SNX29: variants seen among roughly 807,000 people sequenced by gnomAD.
SNX29 encodes sorting nexin-29.
A neutral mutation model predicts 102.1 loss-of-function variants in SNX29; 78 were observed. The ratio of observed to expected loss-of-function variants is 0.76; its 90% CI spans 0.64 to 0.92. The LOEUF (loss-of-function observed/expected upper bound fraction) is 0.92. Among genes scored for constraint, SNX29 ranks in the 40% least tolerant of loss-of-function variants. SNX29 has a pLI of 0.00. For missense variants in SNX29, 1,280 were observed against 1,061.7 expected (o/e 1.21, Z -2.86); for synonymous variants, 580 against 414.5 (o/e 1.40, Z -4.85).
At chr16:12,419,736 G>A (rs1567544562) in intron 18 of SNX29, among the ~76,000 whole-genome samples, 2 of 152,294 alleles carry the variant, frequency 1.3e-5, no homozygotes, top group East Asian at 3.9e-4. Context: ...AACAGTCCTG[G>A]AAGTGACTGT....
intron 15 of SNX29, among the ~76,000 whole-genome samples, chr16:12,299,408 A>G (rs2080087772): frequency 6.6e-6 from 1 of 152,132 alleles, no homozygotes; most frequent in Non-Finnish European, 1.5e-5. Flanking sequence ...CAGCCCATGG[A>G]CGGTGTTTAG....
chr16:12,121,862 G>A (rs771156025), intron 11 of SNX29, among the ~76,000 whole-genome samples: 2 of 152,154 alleles, frequency 1.3e-5, no homozygotes, highest in Non-Finnish European at 2.9e-5. Context: ...GCAGTGGCGC[G>A]ATCTTGGCTC....
chr16:12,473,786 C>A (rs2087467177), intron 18 of SNX29, among the ~76,000 whole-genome samples: 2 of 152,174 alleles, frequency 1.3e-5, no homozygotes, highest in African/African-American at 4.8e-5. Context: ...GCTACACTTC[C>A]ACCAGTACCG....
chr16:12,115,682 G>A (rs898772806), intron 11 of SNX29, among the ~76,000 whole-genome samples: 1 of 152,138 alleles, frequency 6.6e-6, no homozygotes, highest in African/African-American at 2.4e-5. Context: ...CACTATGCAC[G>A]GTTTCACATT....
chr16:12,212,198 G>GA (rs1278492318), intron 14 of SNX29, among the ~76,000 whole-genome samples: 3 of 152,312 alleles, frequency 2.0e-5, no homozygotes, highest in African/African-American at 4.8e-5. Context: ...TTTGTCCTGA[G>GA]AAAAAATGCG....
At chr16:12,133,347 G>C (rs939663139) in intron 13 of SNX29, among the ~76,000 whole-genome samples, 3 of 131,478 alleles carry the variant, frequency 2.3e-5, no homozygotes, top group Non-Finnish European at 3.1e-5. Context: ...CTGGAGTGCA[G>C]TGATGCGATC....
chr16:12,136,012 G>A (rs544563380), intron 13 of SNX29, among the ~76,000 whole-genome samples: 30 of 152,344 alleles, frequency 2.0e-4, no homozygotes, highest in Middle Eastern at 6.8e-3. Flanking sequence ...GACCGGCCTC[G>A]CAGTTACTCT....
At chr16:12,508,888 GC>G (rs2089490849) in intron 19 of SNX29, among the ~76,000 whole-genome samples, 1 of 152,078 alleles carries the variant, frequency 6.6e-6, no homozygotes, top group African/African-American at 2.4e-5. Flanking sequence ...AAAGAACATG[GC>G]CCTGGAGTCC....
intron 11 of SNX29, among the ~76,000 whole-genome samples, chr16:12,092,466 T>A (rs1045353260): frequency 2.0e-5 from 3 of 152,198 alleles, no homozygotes; most frequent in Non-Finnish European, 2.9e-5. Context: ...CCTGGTAATA[T>A]GAGTTGCTCA....
At chr16:12,298,006 C>G (rs919959420) in intron 15 of SNX29, among the ~76,000 whole-genome samples, 3 of 152,162 alleles carry the variant, frequency 2.0e-5, no homozygotes, top group African/African-American at 7.2e-5. Context: ...CCTGTCTCTA[C>G]TAAAAATACA....
At chr16:12,475,366 G>A (rs1368811989) in intron 18 of SNX29, among the ~76,000 whole-genome samples, 1 of 152,160 alleles carries the variant, frequency 6.6e-6, no homozygotes. Context: ...TAACAATAAT[G>A]ACTTCTTGAT....
chr16:12,266,831 T>G (rs1366918341), intron 14 of SNX29, among the ~76,000 whole-genome samples: 1 of 152,082 alleles, frequency 6.6e-6, no homozygotes. Context: ...TGGCACAATC[T>G]CAGCTCACTC....
chr16:12,103,291 C>CT (rs753933391), intron 11 of SNX29, among the ~76,000 whole-genome samples: 6 of 152,196 alleles, frequency 3.9e-5, no homozygotes, highest in Non-Finnish European at 7.3e-5. Flanking sequence ...TTCATGTTAC[C>CT]TGACTTCAAA....
chr16:12,010,441 G>C (rs928735219), intron 3 of SNX29, among the ~76,000 whole-genome samples: 16 of 152,046 alleles, frequency 1.1e-4, no homozygotes, highest in Non-Finnish European at 2.2e-4. Context: ...GGCCAACATG[G>C]CGAAACCCCA....
At chr16:12,483,607 A>G (rs1215299609) in intron 19 of SNX29, among the ~76,000 whole-genome samples, 1 of 152,044 alleles carries the variant, frequency 6.6e-6, no homozygotes, top group Non-Finnish European at 1.5e-5. Context: ...GAGCCACCAC[A>G]TCTGGCCCAT....
chr16:12,144,478 C>T (rs959105766), intron 13 of SNX29, among the ~76,000 whole-genome samples: 1 of 152,164 alleles, frequency 6.6e-6, no homozygotes, highest in Admixed American at 6.5e-5. Context: ...ACCATGAGCG[C>T]TCCACCCCCC....
chr16:12,305,332 A>C (rs1470623270), intron 15 of SNX29, among the ~76,000 whole-genome samples: 3 of 152,246 alleles, frequency 2.0e-5, no homozygotes, highest in East Asian at 1.9e-4. Flanking sequence ...GAGTGGTATC[A>C]GGACTGGAGC....
At position 12,222,371 on chromosome 16, in the gene SNX29, C is replaced by T. The variant is rs547985882; in HGVS notation, c.1678+22688C>T. On this transcript the variant is annotated intron_variant, in intron 14 of 20. Coordinates refer to ENST00000566228, the MANE Select transcript of SNX29 (RefSeq NM_032167.5). ...GCCCATCCTCTAAGCCTCTCCTTTC[C>T]TTGTTAGCTCTTCCACAGTGGACAT... Among the ~76,000 whole-genome samples the T allele has an allele frequency of 8.0e-4, 122 of 152,298 alleles. 3 individuals are homozygous for T. The highest frequency in any genetic ancestry group is 1.1e-3 in the Non-Finnish European group (75 of 68,026).
Position 12,573,514 on chromosome 16 carries a change from G to A in SNX29, c.*4885G>A, listed in dbSNP as rs1465761884. The A allele has an allele frequency of 8.9e-6, 2 of 224,390 alleles. No homozygotes were observed. Among genetic ancestry groups the A allele is most frequent in the Non-Finnish European group, 1.8e-5 (2 of 112,530 alleles). 13.9% of individuals were successfully genotyped at this position (224,390 alleles called of 1,614,324 possible). On this transcript the variant is annotated 3_prime_UTR_variant, in exon 21 of 21. Transcript: ENST00000566228. ...ATTCACTGGTGGTTTAAGAGGCCCA[G>A]GGATTTAGTTCTTACTGGTGCGTAA... is the stretch of plus-strand genomic sequence containing the variant.
Sources: gnomAD v4.1 joint callset for allele counts (sites outside exome capture counted in the v4.1 genomes callset) on GRCh38, gnomAD v4.1.1 for gene constraint, MANE v1.5 for transcripts, NCBI Gene and HGNC (gene_info 2026-07-23, HGNC 2026-07-21) for gene names.